Variants in KMT2C observed in about 807,000 individuals in gnomAD.
KMT2C encodes the protein lysine methyltransferase 2C.
A neutral mutation model predicts 507.9 loss-of-function variants in KMT2C; 88 were observed. The observed-to-expected ratio is 0.17, with a 90% CI of 0.15 to 0.21. KMT2C has a LOEUF of 0.21. Among genes scored for constraint, KMT2C ranks in the 10% least tolerant of loss-of-function variants. The pLI is 1.00. For synonymous variants in KMT2C, 2,049 were observed against 2,080.8 expected (o/e 0.98, Z 0.42); for missense variants, 4,954 against 5,957.8 (o/e 0.83, Z 5.55).
At chr7:152,268,861 C>A (rs1299501799) in intron 7 of KMT2C, among the ~76,000 whole-genome samples, 1 of 152,086 alleles carries the variant, frequency 6.6e-6, no homozygotes, top group Non-Finnish European at 1.5e-5. Flanking sequence ...TAGCTACTAG[C>A]GACATGTGGT....
rs200004824 is a variant in KMT2C, at chr7:152,151,459, G to T, written c.12649C>A (p.Leu4217Met). ...CAAAGTACCTTGTTCAAAAGGGTCA[G>T]ATCTTTGAAAGATTTCCGCACACCA... ...GSGVRKSFKDLTLLNKDSRES... is the reference protein window; with the variant it reads ...GSGVRKSFKDMTLLNKDSRES... The change falls in exon 50 of 59, where the codon CTG becomes ATG. Residue 4217 changes from leucine (L) to methionine (M), a missense_variant. Leu to Met is a conservative substitution (Grantham distance 15). This residue lies in a region of KMT2C where 417 missense variants were observed against 461.1 expected (regional missense o/e 0.90). Coordinates refer to ENST00000262189, the MANE Select transcript of KMT2C (RefSeq NM_170606.3). 4 of 1,614,058 alleles carry T rather than the reference G, an allele frequency of 2.5e-6. No homozygotes were observed. In the East Asian group the frequency reaches 6.7e-5, roughly 27 times the overall value.
At position 152,176,396 on chromosome 7, in the gene KMT2C, C is replaced by T. The variant is rs755043772; in HGVS notation, c.9057G>A (p.Gln3019=). The T allele has an allele frequency of 3.1e-6, 5 of 1,614,134 alleles. No individual in the cohort carries two copies. Among genetic ancestry groups the T allele is most frequent in the African/African-American group, 2.7e-5 (2 of 75,014 alleles). Residue 3019 remains glutamine (Q), a synonymous_variant, in exon 38 of 59, where the codon CAG becomes CAA. Transcript: ENST00000262189. ...PATQTGPQTS[Q]SGTSSMSGPQ... The stretch of plus-strand genomic sequence containing the variant: ...GTCCAGACATGCTACTGGTACCAGA[C>T]TGACTTGTTTGAGGCCCAGTTTGAG...
intron 1 of KMT2C, among the ~76,000 whole-genome samples, chr7:152,393,276 T>C (rs1564098745): frequency 6.6e-6 from 1 of 152,232 alleles, no homozygotes; most frequent in East Asian, 1.9e-4. Flanking sequence ...TAAATTTCAA[T>C]GGAGATTCAC....
In KMT2C at chr7:152,347,895, T is replaced by C. The variant is rs1016095697; in HGVS notation, c.250+10692A>G. Among the ~76,000 whole-genome samples the C allele has an allele frequency of 2.6e-5, 4 of 152,210 alleles. No homozygotes were observed. The East Asian group carries it at 7.7e-4, about 29-fold the overall frequency. Reference sequence around the variant, plus strand: ...CACGAAAAATTTCCAATATATTTACTGAAAAAAATCCATTTATCAGTGCAT... The same window carrying C: ...CACGAAAAATTTCCAATATATTTACCGAAAAAAATCCATTTATCAGTGCAT... On this transcript the variant is annotated intron_variant, in intron 2 of 58. Transcript: ENST00000262189.
intron 23 of KMT2C, among the ~76,000 whole-genome samples, chr7:152,219,016 C>A (rs774550963): frequency 7.0e-4 from 107 of 151,794 alleles, no homozygotes; most frequent in Non-Finnish European, 1.3e-3. Flanking sequence ...GTCACCCACG[C>A]TGGAGTGCAG....
chr7:152,327,312 G>A (rs189284276), intron 3 of KMT2C, among the ~76,000 whole-genome samples: 1 of 152,234 alleles, frequency 6.6e-6, no homozygotes, highest in East Asian at 1.9e-4. Context: ...TATTAGATGA[G>A]GACTAACAGT....
At chr7:152,368,465 T>C in intron 1 of KMT2C, 2 of 1,227,260 alleles carry the variant, frequency 1.6e-6, no homozygotes, top group Non-Finnish European at 2.3e-6. Flanking sequence ...GTTCAAAAAC[T>C]AAAGGACTCT....
Position 152,260,445 on chromosome 7 carries a change from TAG to T in KMT2C, c.1299+2569_1299+2570del, listed in dbSNP as rs1355920825. Among the ~76,000 whole-genome samples, 4 of 152,252 alleles carry T rather than the reference TAG, an allele frequency of 2.6e-5. No individual in the cohort carries two copies. The East Asian group carries it at 7.7e-4, about 29-fold the overall frequency. ...TTATCCAGTAGTTACTAGATATTAT[TAG>T]AGAGTGTAAAGAAGGTAATTTTTTA... On this transcript the variant is annotated intron_variant, in intron 9 of 58. Transcript: ENST00000262189.
chr7:152,136,899 A>G lies in KMT2C; in HGVS notation c.14669T>C (p.Phe4890Ser). ...CGGAATCTTGTGCTGGTCATCTTCA[A>G]AGTCAAACTTATAGTCATAGCAGAG... Reference protein sequence around the residue: ...EELCYDYKFDFEDDQHKIPCH... With the variant: ...EELCYDYKFDSEDDQHKIPCH... The change falls in exon 59 of 59, where the codon TTT (phenylalanine) becomes TCT (serine). Residue 4890 changes from phenylalanine to serine, a missense_variant. Around this residue, in one of 29 missense-constraint regions of KMT2C, gnomAD observed 133 missense variants for 258.9 expected, o/e 0.51. Coordinates refer to ENST00000262189, the MANE Select transcript of KMT2C (RefSeq NM_170606.3). The G allele has an allele frequency of 6.2e-7, 1 of 1,613,348 alleles. No individual in the cohort carries two copies. The highest frequency in any genetic ancestry group is 8.5e-7 in the Non-Finnish European group (1 of 1,179,980).
At chr7:152,393,965 A>G (rs1369582065) in intron 1 of KMT2C, among the ~76,000 whole-genome samples, 2 of 152,114 alleles carry the variant, frequency 1.3e-5, no homozygotes, top group African/African-American at 4.8e-5. Context: ...CAAATAAAAT[A>G]GATGTGCATG....
chr7:152,332,579 T>G (rs1172857722), intron 2 of KMT2C, among the ~76,000 whole-genome samples: 2 of 152,076 alleles, frequency 1.3e-5, no homozygotes, highest in East Asian at 1.9e-4. Context: ...GGTATGGTGA[T>G]GCACACCTGT....
chr7:152,379,133 T>C lies in KMT2C; in HGVS notation c.162-20458A>G, dbSNP rs1218945831. 2.0e-5 allele frequency among the ~76,000 whole-genome samples: 3 copies of C among 152,340 alleles called. No individual in the cohort carries two copies. The South Asian group carries it at 6.2e-4, about 32-fold the overall frequency. ...CCCTCCCAACACCACTGAAACTTTT[T>C]TCAATGCCCTTTTTTTAAATTATTA... is the stretch of plus-strand genomic sequence containing the variant. On this transcript the variant is annotated intron_variant, in intron 1 of 58. Coordinates refer to ENST00000262189, the MANE Select transcript of KMT2C (RefSeq NM_170606.3).
intron 1 of KMT2C, among the ~76,000 whole-genome samples, chr7:152,431,315 T>C (rs1234518891): frequency 2.0e-5 from 3 of 152,066 alleles, no homozygotes; most frequent in African/African-American, 4.8e-5. Context: ...AGAAATTCCC[T>C]GGGCCAGGTG....
At chr7:152,423,265 G>A (rs373120154) in intron 1 of KMT2C, among the ~76,000 whole-genome samples, 35 of 152,130 alleles carry the variant, frequency 2.3e-4, no homozygotes, top group Middle Eastern at 3.4e-3. Context: ...GCTTGAACTC[G>A]GGAGGCGGAG....
At chr7:152,421,932 T>A (rs576570943) in intron 1 of KMT2C, among the ~76,000 whole-genome samples, 1 of 151,706 alleles carries the variant, frequency 6.6e-6, no homozygotes, top group Non-Finnish European at 1.5e-5. Flanking sequence ...TCAGGTTTAT[T>A]AGAAAACTTT....
chr7:152,249,042 T>G (rs1588576059), intron 13 of KMT2C, among the ~76,000 whole-genome samples: 1 of 152,136 alleles, frequency 6.6e-6, no homozygotes, highest in Non-Finnish European at 1.5e-5. Context: ...ACAGAAAAGA[T>G]TTACTAACCA....
chr7:152,160,744 A>G (rs1422439056), intron 43 of KMT2C, among the ~76,000 whole-genome samples: 5 of 150,906 alleles, frequency 3.3e-5, no homozygotes, highest in Non-Finnish European at 5.9e-5. Context: ...TACTTTTTAA[A>G]CTTGACGTGG....
chr7:152,272,996 G>C (rs2096006111), intron 7 of KMT2C, among the ~76,000 whole-genome samples: 1 of 151,898 alleles, frequency 6.6e-6, no homozygotes, highest in Non-Finnish European at 1.5e-5. Flanking sequence ...CAATAGACTA[G>C]GAGAAAAAAG....
chr7:152,152,988 C>A (rs2129097819), intron 48 of KMT2C, 34 bp from the exon 49 acceptor site: 1 of 1,606,738 alleles, frequency 6.2e-7, no homozygotes, highest in South Asian at 1.1e-5. Context: ...ATTATTCACC[C>A]AGAAGGCAAC....
Sources: allele counts gnomAD v4.1 joint callset (sites outside exome capture counted in the v4.1 genomes callset), GRCh38; gene constraint gnomAD v4.1.1; regional missense constraint gnomAD v4.1.1; transcripts MANE v1.5; gene names NCBI Gene and HGNC (gene_info 2026-07-23, HGNC 2026-07-21).